Variants in AFF1 observed in about 807,000 individuals in gnomAD.
AFF1 encodes the protein ALF transcription elongation factor 1.
In AFF1, 48 loss-of-function variants were observed where a neutral mutation model predicts 121.7. The observed-to-expected ratio is 0.39, with a 90% confidence interval of 0.31 to 0.50. The LOEUF (loss-of-function observed/expected upper bound fraction) is 0.50. Ranked by LOEUF, AFF1 falls within the 20% of genes least tolerant of loss-of-function variation. The pLI, the probability that AFF1 is intolerant of heterozygous loss-of-function variation, is 0.76. For missense variants in AFF1, 1,523 were observed against 1,511.7 expected (o/e 1.01, Z -0.12); for synonymous variants, 613 against 563.0 (o/e 1.09, Z -1.26).
chr4:86,943,587 G>A (rs1720621400), intron 1 of AFF1, among the ~76,000 whole-genome samples: 1 of 152,190 alleles, frequency 6.6e-6, no homozygotes, highest in Non-Finnish European at 1.5e-5. Context: ...TCCCAGGCTG[G>A]GCTCAGTCGC....
At chr4:87,060,249 A>T (rs1033741377) in intron 4 of AFF1, among the ~76,000 whole-genome samples, 14 of 152,194 alleles carry the variant, frequency 9.2e-5, no homozygotes, top group Non-Finnish European at 1.5e-4. Flanking sequence ...GAGCCTGGAG[A>T]TTAATCAGAT....
At chr4:87,060,872 A>C (rs1720714428) in intron 4 of AFF1, among the ~76,000 whole-genome samples, 1 of 148,724 alleles carries the variant, frequency 6.7e-6, no homozygotes, top group Non-Finnish European at 1.5e-5. Flanking sequence ...AAAAAACACA[A>C]AAAAACAACA....
intron 2 of AFF1, among the ~76,000 whole-genome samples, chr4:87,018,058 T>G (rs754561540): frequency 3.3e-5 from 5 of 152,204 alleles, no homozygotes; most frequent in African/African-American, 7.2e-5. Context: ...GTTACTGAAA[T>G]CTGCTGCTCT....
chr4:87,090,906 T>G (rs1359970349), intron 6 of AFF1, among the ~76,000 whole-genome samples: 1 of 151,070 alleles, frequency 6.6e-6, no homozygotes, highest in Non-Finnish European at 1.5e-5. Context: ...TCCCAGCTAC[T>G]TGGGAGGCTG....
chr4:86,975,052 T>C (rs1723206110), intron 2 of AFF1, among the ~76,000 whole-genome samples: 1 of 152,176 alleles, frequency 6.6e-6, no homozygotes, highest in African/African-American at 2.4e-5. Context: ...GCAAGTCTCT[T>C]TGCAACCCAA....
Position 87,114,995 on chromosome 4 carries a change from A to G in AFF1, c.2162A>G (p.His721Arg), listed in dbSNP as rs766012273. ...VPLTESQGPP[H>R]SGSGSRTSGC... ...CTGACTGAGAGCCAGGGCCCACCCC[A>G]CAGTGGCAGCGGCAGCAGGACTAGT... The change falls in exon 12 of 21, where the codon CAC (histidine) becomes CGC (arginine). Residue 721 changes from histidine to arginine, a missense_variant. Physicochemically the swap from His to Arg is conservative, Grantham distance 29. This residue lies in a region of AFF1 where 905 missense variants were observed against 842.5 expected (regional missense o/e 1.07). Coordinates refer to ENST00000395146, the MANE Select transcript of AFF1 (RefSeq NM_001166693.3). The G allele has an allele frequency of 1.4e-5, 22 of 1,613,868 alleles. No homozygotes were observed. The highest frequency in any genetic ancestry group is 2.7e-5 in the African/African-American group (2 of 74,900).
intron 2 of AFF1, among the ~76,000 whole-genome samples, chr4:86,957,593 A>AGT (rs1721832537): frequency 6.6e-6 from 1 of 152,018 alleles, no homozygotes; most frequent in Non-Finnish European, 1.5e-5. Flanking sequence ...CCCAGGCTGG[A>AGT]GTGCAGTGTT....
chr4:87,137,546 T>C lies in AFF1; in HGVS notation c.*1845T>C, dbSNP rs1729397485. The C allele has an allele frequency of 4.3e-6, 1 of 230,724 alleles. No individual in the cohort carries two copies. The highest frequency in any genetic ancestry group is 8.6e-6 in the Non-Finnish European group (1 of 116,528). 14.3% of individuals were successfully genotyped at this position (230,724 alleles called of 1,614,324 possible). A position where few individuals can be genotyped will look rare whatever the true frequency, so the allele number is the denominator to read the frequency against. Reference sequence around the variant, plus strand: ...GGTGAAAGCCAGAGAATGACAGCTGTAGTCATATCTGAGCATAAGACCTTG... The same window carrying C: ...GGTGAAAGCCAGAGAATGACAGCTGCAGTCATATCTGAGCATAAGACCTTG... On this transcript the variant is annotated 3_prime_UTR_variant, in exon 21 of 21. Coordinates refer to ENST00000395146, the MANE Select transcript of AFF1 (RefSeq NM_001166693.3).
chr4:86,944,956 A>G (rs1035826047), intron 1 of AFF1, among the ~76,000 whole-genome samples: 9 of 152,260 alleles, frequency 5.9e-5, no homozygotes, highest in Non-Finnish European at 8.8e-5. Context: ...TAATTTCTGA[A>G]TAAATTTGGT....
At chr4:86,983,764 G>A (rs1313424314) in intron 2 of AFF1, among the ~76,000 whole-genome samples, 5 of 150,250 alleles carry the variant, frequency 3.3e-5, no homozygotes, top group Admixed American at 6.7e-5. Flanking sequence ...GTCGCCAGGC[G>A]CAGTGGCTCA....
At chr4:86,980,910 C>G (rs1328264918) in intron 2 of AFF1, among the ~76,000 whole-genome samples, 2 of 150,862 alleles carry the variant, frequency 1.3e-5, no homozygotes, top group Non-Finnish European at 2.9e-5. Flanking sequence ...TGTGGTGGCT[C>G]ACGCCTATAA....
intron 2 of AFF1, among the ~76,000 whole-genome samples, chr4:86,960,083 C>T (rs879797354): frequency 1.3e-5 from 2 of 152,066 alleles, no homozygotes; most frequent in Non-Finnish European, 2.9e-5. Flanking sequence ...TACTTGTAAA[C>T]AAAGCTGAGG....
At chr4:87,039,599 G>A (rs1328951506) in intron 2 of AFF1, among the ~76,000 whole-genome samples, 2 of 152,208 alleles carry the variant, frequency 1.3e-5, no homozygotes, top group Non-Finnish European at 2.9e-5. Flanking sequence ...GGACACTGAA[G>A]CCTGTGGTTC....
chr4:86,947,015 C>T (rs1015499810), intron 1 of AFF1, among the ~76,000 whole-genome samples: 2 of 152,068 alleles, frequency 1.3e-5, no homozygotes, highest in African/African-American at 4.8e-5. Context: ...TTACTGTGTG[C>T]CAGCCCTGCA....
chr4:87,116,101 C>T (rs777097376), intron 12 of AFF1, among the ~76,000 whole-genome samples: 5 of 152,194 alleles, frequency 3.3e-5, no homozygotes, highest in Non-Finnish European at 7.3e-5. Context: ...TATTTTAACG[C>T]ATGACCATAC....
At chr4:87,091,021 CAAAAAAAAAAAA>C (rs72486264) in intron 6 of AFF1, among the ~76,000 whole-genome samples, 1 of 64,844 alleles carries the variant, frequency 1.5e-5, no homozygotes, top group Non-Finnish European at 2.9e-5. Flanking sequence ...TCTCTACCAC[CAAAAAAAAAAAA>C]AAAAAAAAAA....
At chr4:86,947,232 A>C (rs1451095625) in intron 1 of AFF1, among the ~76,000 whole-genome samples, 1 of 152,212 alleles carries the variant, frequency 6.6e-6, no homozygotes, top group Admixed American at 6.5e-5. Context: ...TGAAAAGTAG[A>C]TCTCTGCTAG....
In AFF1 at chr4:87,075,664, A is replaced by G. The variant is rs528305814; in HGVS notation, c.1060-8456A>G. Among the ~76,000 whole-genome samples the G allele has an allele frequency of 1.6e-4, 25 of 152,354 alleles. No homozygotes were observed. The East Asian group carries it at 1.7e-3, about 11-fold the overall frequency. On this transcript the variant is annotated intron_variant, in intron 4 of 20. Coordinates refer to ENST00000395146, the MANE Select transcript of AFF1 (RefSeq NM_001166693.3). ...TATGTCCCCAAACTGCATTTAGGCA[A>G]CTACTCTTATAGGTGAAAACATCTG...
intron 2 of AFF1, among the ~76,000 whole-genome samples, chr4:86,957,904 T>G (rs1489149633): frequency 2.6e-5 from 4 of 152,078 alleles, no homozygotes; most frequent in African/African-American, 9.7e-5. Flanking sequence ...AACTATCCTT[T>G]TTCCTCTTTT....
Sources: allele counts gnomAD v4.1 joint callset (sites outside exome capture counted in the v4.1 genomes callset), GRCh38; gene constraint gnomAD v4.1.1; regional missense constraint gnomAD v4.1.1; transcripts MANE v1.5; gene names NCBI Gene and HGNC (gene_info 2026-07-23, HGNC 2026-07-21).